Variants in DNAJC11 observed in about 807,000 individuals in gnomAD.
The protein encoded by DNAJC11 is dnaJ homolog subfamily C member 11.
DNAJC11 carries 15 observed loss-of-function variants against 78.6 expected under a neutral mutation model. That is an observed-to-expected ratio of 0.19 (90% CI 0.13 to 0.29). The LOEUF is 0.29. Among genes scored for constraint, DNAJC11 ranks in the 10% least tolerant of loss-of-function variants. DNAJC11 has a pLI of 1.00. For missense variants in DNAJC11, 547 were observed against 709.6 expected, an observed-to-expected ratio of 0.77 and a Z score of 2.60; for synonymous variants, 292 against 272.1, an observed-to-expected ratio of 1.07 and a Z score of -0.72.
chr1:6,636,151 C>G lies in DNAJC11; in HGVS notation c.1620G>C (p.Val540=), dbSNP rs1393928363. The G allele has an allele frequency of 6.2e-7, 1 of 1,614,068 alleles. No individual in the cohort carries two copies. Residue 540 remains valine, a synonymous_variant, in exon 15 of 16, where the codon GTG becomes GTC. Coordinates refer to ENST00000377577, the MANE Select transcript of DNAJC11 (RefSeq NM_018198.4). ...GTATCCGGAGGGCCTCACTGTCCAG[C>G]ACCATCACCTGATGCAGGACGCCCC... ...QFRGVLHQVM[V]LDSEALRIPK... is the part of the protein sequence containing the mutation.
At chr1:6,695,185 G>T (rs1446305923) in intron 1 of DNAJC11, among the ~76,000 whole-genome samples, 1 of 151,134 alleles carries the variant, frequency 6.6e-6, no homozygotes, top group Non-Finnish European at 1.5e-5. Context: ...ATTAAAGATG[G>T]AGTCTTGCTA....
intron 3 of DNAJC11, chr1:6,668,146 TTTC>T: frequency 4.1e-6 from 1 of 242,716 alleles, no homozygotes; most frequent in East Asian, 8.7e-5. Context: ...CTTTCTTTTT[TTTC>T]TTTTTTGAGA....
At chr1:6,682,739 G>A (rs1642573638) in intron 1 of DNAJC11, among the ~76,000 whole-genome samples, 1 of 152,186 alleles carries the variant, frequency 6.6e-6, no homozygotes, top group South Asian at 2.1e-4. Flanking sequence ...ACTAGACTGG[G>A]TAACATGGCG....
rs538697340 is a variant in DNAJC11, at chr1:6,644,335, C to T, written c.1097+223G>A. The stretch of plus-strand genomic sequence containing the variant: ...TTTCAGTAGAGATGGGGTTTCACCA[C>T]GTTGGCCAGGCTGGTCTCAAACTCC... On this transcript the variant is annotated intron_variant, in intron 10 of 15. Coordinates refer to ENST00000377577, the MANE Select transcript of DNAJC11 (RefSeq NM_018198.4). 3.9e-5 allele frequency among the ~76,000 whole-genome samples: 6 copies of T among 152,136 alleles called. No homozygotes were observed. The East Asian group carries it at 7.7e-4, about 20-fold the overall frequency.
At chr1:6,657,126 C>A (rs900091858) in intron 4 of DNAJC11, among the ~76,000 whole-genome samples, 1 of 152,104 alleles carries the variant, frequency 6.6e-6, no homozygotes, top group African/African-American at 2.4e-5. Context: ...CTCAGGTTCA[C>A]AAAAGCAACT....
At chr1:6,674,655 G>C (rs543377266) in intron 3 of DNAJC11, among the ~76,000 whole-genome samples, 2 of 152,036 alleles carry the variant, frequency 1.3e-5, no homozygotes, top group Non-Finnish European at 2.9e-5. Context: ...CCTGAGCTGG[G>C]AGATCGAGAC....
intron 1 of DNAJC11, among the ~76,000 whole-genome samples, chr1:6,687,964 C>T (rs1323386760): frequency 2.0e-5 from 3 of 152,042 alleles, no homozygotes; most frequent in African/African-American, 7.2e-5. Flanking sequence ...TTGACAAAAA[C>T]AAAACAAAAC....
chr1:6,650,475 A>G (rs971551548), intron 7 of DNAJC11, among the ~76,000 whole-genome samples: 1 of 151,964 alleles, frequency 6.6e-6, no homozygotes, highest in Admixed American at 6.6e-5. Flanking sequence ...CTGAGGGAGG[A>G]GGACTGCTTG....
chr1:6,644,640 C>T lies in DNAJC11; in HGVS notation c.1015G>A (p.Ala339Thr). Residue 339 changes from alanine to threonine, a missense_variant, in exon 10 of 16, where the codon GCT becomes ACT. Transcript: ENST00000377577. Reference protein sequence around the residue: ...GFFGTVVEYGAERKISRHSVL... With the variant: ...GFFGTVVEYGTERKISRHSVL... ...CTGTGCCTGGAGATCTTCCTCTCAG[C>T]TCCGTACTCCACCACCGTCCCAAAG... 1.9e-6 allele frequency: 3 copies of T among 1,614,212 alleles called. 1 individual carries two copies. Among genetic ancestry groups the T allele is most frequent in the East Asian group, 2.2e-5 (1 of 44,888 alleles).
intron 3 of DNAJC11, among the ~76,000 whole-genome samples, chr1:6,671,321 C>G (rs1357367050): frequency 6.6e-6 from 1 of 152,222 alleles, no homozygotes; most frequent in Non-Finnish European, 1.5e-5. Flanking sequence ...CGGCTCACTG[C>G]AAGCTCCGCC....
At chr1:6,697,568 C>T (rs1368244890) in intron 1 of DNAJC11, among the ~76,000 whole-genome samples, 1 of 149,828 alleles carries the variant, frequency 6.7e-6, no homozygotes, top group African/African-American at 2.5e-5. Context: ...TTGCCCGATG[C>T]TAACCGCTTG....
At chr1:6,657,710 T>A (rs1642150097) in intron 4 of DNAJC11, among the ~76,000 whole-genome samples, 2 of 152,240 alleles carry the variant, frequency 1.3e-5, no homozygotes. Context: ...AGTGGCACGA[T>A]CTCGGCTCGC....
intron 3 of DNAJC11, among the ~76,000 whole-genome samples, chr1:6,669,657 A>C (rs1184972782): frequency 6.6e-6 from 1 of 152,238 alleles, no homozygotes; most frequent in African/African-American, 2.4e-5. Context: ...AGAAGTGGAA[A>C]GGCCACCGTG....
intron 1 of DNAJC11, among the ~76,000 whole-genome samples, chr1:6,693,903 G>A (rs1642791938): frequency 1.3e-5 from 2 of 148,474 alleles, no homozygotes; most frequent in South Asian, 2.1e-4. Context: ...ACAGTGGTGC[G>A]ATCTCTGCTC....
At chr1:6,678,523 C>T in intron 2 of DNAJC11, 56 bp from the exon 3 acceptor site, 1 of 1,398,282 alleles carries the variant, frequency 7.2e-7, no homozygotes, top group Non-Finnish European at 1.0e-6. Context: ...TTCAGTCCTT[C>T]CTGAGAATAC....
chr1:6,670,586 C>T (rs1049389920), intron 3 of DNAJC11: 35 of 152,162 alleles, frequency 2.3e-4, no homozygotes, highest in African/African-American at 8.2e-4. Flanking sequence ...TCTCTAATAA[C>T]CCAATATAAA....
intron 11 of DNAJC11, among the ~76,000 whole-genome samples, chr1:6,638,683 T>G (rs2148726813): frequency 6.6e-6 from 1 of 152,292 alleles, no homozygotes; most frequent in South Asian, 2.1e-4. Context: ...GTGGGATTAT[T>G]ATTTTTTTAA....
intron 4 of DNAJC11, among the ~76,000 whole-genome samples, chr1:6,656,964 G>T (rs1454986816): frequency 6.6e-6 from 1 of 151,996 alleles, no homozygotes; most frequent in Non-Finnish European, 1.5e-5. Context: ...CATAAAGATG[G>T]TAGGCAATGT....
At chr1:6,677,252 A>T (rs190455704) in intron 3 of DNAJC11, among the ~76,000 whole-genome samples, 23 of 151,524 alleles carry the variant, frequency 1.5e-4, no homozygotes, top group African/African-American at 5.1e-4. Flanking sequence ...ATTCAATGTT[A>T]TTAAACAGAC....
Sources: allele counts gnomAD v4.1 joint callset (sites outside exome capture counted in the v4.1 genomes callset), GRCh38; gene constraint gnomAD v4.1.1; transcripts MANE v1.5; gene names NCBI Gene and HGNC (gene_info 2026-07-23, HGNC 2026-07-21).